CACNA1H: variants seen among roughly 807,000 people sequenced by gnomAD.
CACNA1H encodes voltage-dependent T-type calcium channel subunit alpha-1H.
Under a neutral mutation model 192.5 loss-of-function variants are expected in CACNA1H, and 149 were observed. That is an observed-to-expected ratio of 0.77 (90% confidence interval 0.68 to 0.89). CACNA1H has a LOEUF of 0.89. CACNA1H is among the 40% of genes least tolerant of loss of function. The pLI is 0.00. For synonymous variants in CACNA1H, 2,202 were observed against 1,475.2 expected (o/e 1.49, Z -11.29); for missense variants, 4,257 against 3,423.5 (o/e 1.24, Z -6.08).
intron 15 of CACNA1H, 56 bp downstream of exon 15, chr16:1,207,916 C>T (rs1968939699): frequency 1.3e-6 from 2 of 1,541,306 alleles, no homozygotes; most frequent in Non-Finnish European, 1.8e-6. Flanking sequence ...GCTGGGCTGG[C>T]CGGGCAGGGC....
chr16:1,219,686 G>A (rs1474137458), intron 34 of CACNA1H, among the ~76,000 whole-genome samples: 1 of 152,234 alleles, frequency 6.6e-6, no homozygotes, highest in African/African-American at 2.4e-5. Context: ...CTGGGCTGCT[G>A]ATGTCCAGGG....
At chr16:1,201,642 A>ACCCG (rs1415071108) in intron 8 of CACNA1H, 21 bp from the exon 9 acceptor site, 1 of 1,549,522 alleles carries the variant, frequency 6.5e-7, no homozygotes, top group Non-Finnish European at 8.7e-7. Flanking sequence ...ACTGCCACTT[A>ACCCG]CCCGCCCGCC....
At chr16:1,188,133 GC>G (rs1966250497) in intron 2 of CACNA1H, among the ~76,000 whole-genome samples, 1 of 152,252 alleles carries the variant, frequency 6.6e-6, no homozygotes, top group Non-Finnish European at 1.5e-5. Flanking sequence ...TCAGGCTCTT[GC>G]CCCATGGCCC....
intron 27 of CACNA1H, 122 bp downstream of exon 27, chr16:1,214,053 TGTG>T: frequency 1.2e-6 from 1 of 818,748 alleles, no homozygotes. Flanking sequence ...TGCGTGGGGA[TGTG>T]GGGTTTTGTG....
At chr16:1,182,069 A>T (rs1965534670) in intron 2 of CACNA1H, among the ~76,000 whole-genome samples, 1 of 152,256 alleles carries the variant, frequency 6.6e-6, no homozygotes, top group Admixed American at 6.5e-5. Context: ...AACGCTCCCC[A>T]GGGTGAGAAG....
In CACNA1H at chr16:1,200,854, C is replaced by G. The variant is rs199700639; in HGVS notation, c.1212+46C>G. 822 of 1,363,166 alleles carry G rather than the reference C, an allele frequency of 6.0e-4. 1 individual carries two copies. The highest frequency in any genetic ancestry group is 2.3e-3 in the Middle Eastern group (12 of 5,276). The allele number at this position is 1,363,166 out of a possible 1,614,324, so 84.4% of individuals were successfully genotyped here. A position where few individuals can be genotyped will look rare whatever the true frequency, so the allele number is the denominator to read the frequency against. ...TCGCCATGATGGGCCCTGGTGTTAG[C>G]TGGCTGGGGGTGGGGTGGGGTACCT... On this transcript the variant is annotated intron_variant, in intron 8 of 34. Transcript: ENST00000348261.
chr16:1,187,770 G>T (rs1596360277), intron 2 of CACNA1H, among the ~76,000 whole-genome samples: 1 of 152,218 alleles, frequency 6.6e-6, no homozygotes. Flanking sequence ...CTGGGCTAGC[G>T]CTGCTACAGT....
intron 2 of CACNA1H, among the ~76,000 whole-genome samples, chr16:1,165,912 GC>G: frequency 6.6e-6 from 1 of 152,214 alleles, no homozygotes; most frequent in East Asian, 1.9e-4. Context: ...GGTGTGTGGG[GC>G]CCGGCCCGGC....
chr16:1,218,065 G>A lies in CACNA1H; in HGVS notation c.5445+25G>A, dbSNP rs1373787093. 4 of 1,590,516 alleles carry A rather than the reference G, an allele frequency of 2.5e-6. No homozygotes were observed. In the South Asian group the frequency reaches 4.6e-5, roughly 18 times the overall value. ...GGTACCCGCCGCGGCCATGCCTCTG[G>A]CACCTGGCAGCCCCAGCGGTTTTTC... On this transcript the variant is annotated intron_variant, in intron 32 of 34. Transcript: ENST00000348261.
At chr16:1,158,405 T>G (rs1962717916) in intron 2 of CACNA1H, among the ~76,000 whole-genome samples, 1 of 151,992 alleles carries the variant, frequency 6.6e-6, no homozygotes, top group Non-Finnish European at 1.5e-5. Flanking sequence ...TGGGGGCAGC[T>G]CATCCTTCCC....
intron 9 of CACNA1H, 38 bp downstream of exon 9, chr16:1,202,490 G>A (rs1968079834): frequency 6.2e-6 from 9 of 1,446,540 alleles, no homozygotes; most frequent in Non-Finnish European, 8.2e-6. Context: ...GAGGCGGTGG[G>A]ACCTAGGCAG....
intron 2 of CACNA1H, among the ~76,000 whole-genome samples, chr16:1,177,400 G>A (rs913560397): frequency 1.3e-5 from 2 of 152,190 alleles, no homozygotes; most frequent in African/African-American, 2.4e-5. Flanking sequence ...GTGCGGGGAC[G>A]GCGTCTGACC....
intron 2 of CACNA1H, among the ~76,000 whole-genome samples, chr16:1,162,541 T>C (rs1223301839): frequency 1.3e-5 from 2 of 151,764 alleles, no homozygotes; most frequent in African/African-American, 4.9e-5. Flanking sequence ...AGTGGGTCAT[T>C]CGGAGCCTCG....
At chr16:1,210,194 C>T in intron 18 of CACNA1H, 59 bp downstream of exon 18, 1 of 1,396,250 alleles carries the variant, frequency 7.2e-7, no homozygotes, top group Non-Finnish European at 9.9e-7. Flanking sequence ...ACCCCCGCCC[C>T]CAGGTCCCTC....
chr16:1,172,045 G>A (rs958287668), intron 2 of CACNA1H, among the ~76,000 whole-genome samples: 10 of 152,364 alleles, frequency 6.6e-5, no homozygotes, highest in Admixed American at 3.9e-4. Context: ...AGGTCCTGGG[G>A]TCCCCAGCAG....
chr16:1,201,759 CG>C lies in CACNA1H; in HGVS notation c.1312del (p.Ala438HisfsTer24). The C allele has an allele frequency of 1.9e-6, 3 of 1,607,944 alleles. No homozygotes were observed. Reference protein sequence around the residue: ...QRESQLMREQRARHLSNDSTL... With the variant: ...QRESQLMREQXARHLSNDSTL... ...GGAGAGTCAGCTGATGCGGGAGCAG[CG>C]GGCACGCCACCTGTCCAACGACAGC... On this transcript the variant is annotated frameshift_variant, in exon 9 of 35. Coordinates refer to ENST00000348261, the MANE Select transcript of CACNA1H (RefSeq NM_021098.3). LOFTEE classifies it high-confidence loss of function.
intron 26 of CACNA1H, among the ~76,000 whole-genome samples, chr16:1,213,550 C>T (rs184557719): frequency 1.3e-5 from 2 of 152,074 alleles, no homozygotes; most frequent in Non-Finnish European, 2.9e-5. Context: ...CTAGCCAGCT[C>T]CCCAGGGAGC....
At chr16:1,211,641 C>T (rs772052372) in intron 23 of CACNA1H, 35 bp downstream of exon 23, 4 of 1,609,672 alleles carry the variant, frequency 2.5e-6, no homozygotes, top group Non-Finnish European at 3.4e-6. Flanking sequence ...CTGGGGGTCT[C>T]CAGGACACCC....
At position 1,221,649 on chromosome 16, in the gene CACNA1H, C is replaced by G; in HGVS notation, c.*655C>G. The G allele has an allele frequency of 1.0e-6, 1 of 964,772 alleles. No individual in the cohort carries two copies. Among genetic ancestry groups the G allele is most frequent in the Non-Finnish European group, 1.5e-6 (1 of 665,444 alleles). The allele number at this position is 964,772 out of a possible 1,614,324, so 59.8% of individuals were successfully genotyped here. Reference sequence around the variant, plus strand: ...GTTGGCCGCGAGATTCCCATTGACACCTTTGTTTCGTGTGCTTTTAAATTC... The same window carrying G: ...GTTGGCCGCGAGATTCCCATTGACAGCTTTGTTTCGTGTGCTTTTAAATTC... On this transcript the variant is annotated 3_prime_UTR_variant, in exon 35 of 35. Coordinates refer to ENST00000348261, the MANE Select transcript of CACNA1H (RefSeq NM_021098.3).
Sources: allele counts gnomAD v4.1 joint callset (sites outside exome capture counted in the v4.1 genomes callset), GRCh38; gene constraint gnomAD v4.1.1; transcripts MANE v1.5; gene names NCBI Gene and HGNC (gene_info 2026-07-23, HGNC 2026-07-21).